The following SAMD5 variants were observed in gnomAD, a reference collection of about 807,000 sequenced individuals.
SAMD5 encodes sterile alpha motif domain containing 5, also known as sterile alpha motif domain-containing protein 5.
SAMD5 carries 13 observed loss-of-function variants against 11.3 expected under a neutral mutation model. The ratio of observed to expected loss-of-function variants is 1.15; its 90% CI spans 0.75 to 1.83. The LOEUF is 1.83. Ranked by LOEUF, SAMD5 falls within the 40% of genes most tolerant of loss-of-function variation. SAMD5 has a pLI of 0.00. For synonymous variants in SAMD5, 129 were observed against 111.3 expected, an observed-to-expected ratio of 1.16 and a Z score of -1.00; for missense variants, 255 against 239.1, an observed-to-expected ratio of 1.07 and a Z score of -0.44.
the SAMD5 span, among the ~76,000 whole-genome samples, chr6:147,749,162 T>G: frequency 2.7e-5 from 4 of 147,640 alleles, no homozygotes. Flanking sequence ...ACTGAATATT[T>G]TTTTGTTTTG....
intron 1 of SAMD5, among the ~76,000 whole-genome samples, chr6:147,540,967 G>T (rs1377653847): frequency 7.6e-6 from 1 of 131,846 alleles, no homozygotes; most frequent in African/African-American, 3.0e-5. Flanking sequence ...TTTTGAGAAG[G>T]AGTCTTCTCA....
chr6:147,703,698 A>T (rs760459001), intron 1 of SAMD5, among the ~76,000 whole-genome samples: 12 of 152,156 alleles, frequency 7.9e-5, no homozygotes, highest in Non-Finnish European at 1.3e-4. Flanking sequence ...CAATGTTTTG[A>T]GTGGTACAAT....
intron 1 of SAMD5, among the ~76,000 whole-genome samples, chr6:147,657,056 T>G (rs1481976527): frequency 6.6e-6 from 1 of 152,128 alleles, no homozygotes; most frequent in Non-Finnish European, 1.5e-5. Context: ...CACTGTGTAT[T>G]AGGCAGCTGT....
At chr6:147,571,508 T>A (rs1355112548), downstream of SAMD5, among the ~76,000 whole-genome samples, 1 of 147,298 alleles carries the variant, frequency 6.8e-6, no homozygotes, top group African/African-American at 2.5e-5. Context: ...CCTCCTAGAG[T>A]TACCCTGAGG....
At chr6:147,863,464 T>C in the SAMD5 span, among the ~76,000 whole-genome samples, 2 of 152,210 alleles carry the variant, frequency 1.3e-5, no homozygotes, top group Non-Finnish European at 2.9e-5. Flanking sequence ...CTCATTATGA[T>C]GTGAAGTTAA....
At chr6:147,808,127 G>C in the SAMD5 span, among the ~76,000 whole-genome samples, 1 of 152,236 alleles carries the variant, frequency 6.6e-6, no homozygotes, top group Non-Finnish European at 1.5e-5. Context: ...TCTATGGTCA[G>C]TTCCATGAAA....
chr6:147,938,284 A>T, the SAMD5 span, among the ~76,000 whole-genome samples: 1 of 120,190 alleles, frequency 8.3e-6, no homozygotes, highest in Admixed American at 9.1e-5. Context: ...TCATTAAAAG[A>T]TCAAAGAACT....
At chr6:147,827,044 A>G in the SAMD5 span, among the ~76,000 whole-genome samples, 1 of 152,222 alleles carries the variant, frequency 6.6e-6, no homozygotes, top group Non-Finnish European at 1.5e-5. Context: ...CAGAAACCCT[A>G]ATCAGATCAT....
At chr6:147,525,151 T>TA (rs1002235656) in intron 1 of SAMD5, among the ~76,000 whole-genome samples, 18 of 149,862 alleles carry the variant, frequency 1.2e-4, no homozygotes, top group African/African-American at 1.2e-4. Flanking sequence ...GATTTTTATT[T>TA]AAAAAAAAAG....
chr6:147,629,129 A>G lies in SAMD5; in HGVS notation c.163-108188A>G, dbSNP rs142798248. Among the ~76,000 whole-genome samples the G allele has an allele frequency of 3.4e-3, 520 of 151,636 alleles. 4 individuals are homozygous for G. The highest frequency in any genetic ancestry group is 0.01 in the Middle Eastern group (3 of 294). ...AACATGATGAAACCCCGTCTCTACT[A>G]AAAATACAGAAAACAAACAAACAAA... On this transcript the variant is annotated intron_variant, in intron 1 of 1. Coordinates refer to the SAMD5 transcript ENST00000566741.
chr6:147,866,933 C>A, the SAMD5 span, among the ~76,000 whole-genome samples: 1 of 152,178 alleles, frequency 6.6e-6, no homozygotes, highest in African/African-American at 2.4e-5. Flanking sequence ...TCATACAGAG[C>A]TGTTAAAGAA....
chr6:147,552,851 TTTAAAG>T (rs1203663381), intron 1 of SAMD5, among the ~76,000 whole-genome samples: 1 of 152,216 alleles, frequency 6.6e-6, no homozygotes, highest in Non-Finnish European at 1.5e-5. Context: ...AATGAAAAAT[TTTAAAG>T]TTAATGACTA....
chr6:147,607,737 A>T (rs538932411), intron 1 of SAMD5, among the ~76,000 whole-genome samples: 1 of 152,318 alleles, frequency 6.6e-6, no homozygotes, highest in African/African-American at 2.4e-5. Flanking sequence ...CTGGGCAAAG[A>T]TTTCTTGAGC....
chr6:147,663,102 A>G, intron 1 of SAMD5, among the ~76,000 whole-genome samples: 1 of 152,230 alleles, frequency 6.6e-6, no homozygotes, highest in East Asian at 1.9e-4. Context: ...TCTAGTGTGA[A>G]TTACCATGAA....
chr6:147,754,350 T>TTC, the SAMD5 span, among the ~76,000 whole-genome samples: 15,295 of 150,082 alleles, frequency 0.1, 975 homozygotes, highest in African/African-American at 0.14. Context: ...TGTATGTCTT[T>TTC]TTTTTTTTTT....
the SAMD5 span, among the ~76,000 whole-genome samples, chr6:147,831,518 T>C: frequency 6.6e-6 from 1 of 152,210 alleles, no homozygotes; most frequent in African/African-American, 2.4e-5. Flanking sequence ...CTGGGGTCCT[T>C]TCTGTCAAGA....
intron 1 of SAMD5, among the ~76,000 whole-genome samples, chr6:147,631,083 G>A (rs1415838104): frequency 6.6e-6 from 1 of 152,130 alleles, no homozygotes; most frequent in African/African-American, 2.4e-5. Context: ...TGCTTCAAGC[G>A]GGATTAGGGG....
the SAMD5 span, among the ~76,000 whole-genome samples, chr6:147,754,640 C>T: frequency 6.6e-6 from 1 of 152,172 alleles, no homozygotes; most frequent in African/African-American, 2.4e-5. Flanking sequence ...TTTGACCAGA[C>T]CAATGTCCTG....
chr6:147,887,926 T>C, the SAMD5 span, among the ~76,000 whole-genome samples: 25 of 152,310 alleles, frequency 1.6e-4, no homozygotes, highest in African/African-American at 6.0e-4. Flanking sequence ...CTAATGATGT[T>C]AAACATCTTT....
Sources: gnomAD v4.1 joint callset for allele counts (sites outside exome capture counted in the v4.1 genomes callset) on GRCh38, gnomAD v4.1.1 for gene constraint, MANE v1.5 for transcripts, NCBI Gene and HGNC (gene_info 2026-07-23, HGNC 2026-07-21) for gene names.